Variants in WSCD2 observed in about 807,000 individuals in gnomAD.
WSCD2 encodes the protein sialate:O-sulfotransferase 2.
A neutral mutation model predicts 55.7 loss-of-function variants in WSCD2; 28 were observed. That is an observed-to-expected ratio of 0.50 (90% CI 0.37 to 0.69). WSCD2 has a LOEUF of 0.69. WSCD2 is among the 30% of genes least tolerant of loss of function. The pLI is 0.00. For missense variants in WSCD2, 616 were observed against 762.1 expected, an observed-to-expected ratio of 0.81 and a Z score of 2.26; for synonymous variants, 301 against 301.9, an observed-to-expected ratio of 1.00 and a Z score of 0.03.
chr12:108,209,835 G>T (rs1265812941), intron 3 of WSCD2, among the ~76,000 whole-genome samples: 2 of 151,964 alleles, frequency 1.3e-5, no homozygotes, highest in Non-Finnish European at 2.9e-5. Flanking sequence ...TCTTTCCAGG[G>T]TCTTCCTGTG....
In WSCD2 at chr12:108,249,222, T is replaced by C. The variant is rs1451269623; in HGVS notation, c.*879T>C. The C allele has an allele frequency of 6.6e-6, 1 of 152,648 alleles. No homozygotes were observed. The highest frequency in any genetic ancestry group is 2.4e-5 in the African/African-American group (1 of 41,440). 9.5% of individuals were successfully genotyped at this position (152,648 alleles called of 1,614,324 possible). ...TCTCCATGGTGGGCTCCAGTCAGTC[T>C]TACACTGCCCTTCTGACCCCTACAA... On this transcript the variant is annotated 3_prime_UTR_variant, in exon 9 of 9. Transcript: ENST00000547525.
chr12:108,172,476 T>C lies in WSCD2; in HGVS notation c.-551-22806T>C, dbSNP rs28407479. Among the ~76,000 whole-genome samples the C allele has an allele frequency of 2.1e-4, 32 of 152,266 alleles. No homozygotes were observed. The East Asian group carries it at 6.2e-3, about 29-fold the overall frequency. On this transcript the variant is annotated intron_variant, in intron 1 of 8. Coordinates refer to ENST00000547525, the MANE Select transcript of WSCD2 (RefSeq NM_014653.4). The stretch of plus-strand genomic sequence containing the variant: ...CTCAGAATTGGATCTTATTTGGAAA[T>C]AGAGTCTTTGCAGCTGTAACTAGTT...
intron 5 of WSCD2, among the ~76,000 whole-genome samples, chr12:108,225,686 T>A (rs371315778): frequency 1.5e-4 from 23 of 152,286 alleles, no homozygotes; most frequent in South Asian, 8.3e-4. Flanking sequence ...TGACTGTTTA[T>A]GTTTCCTCCC....
intron 2 of WSCD2, chr12:108,196,815 T>C (rs955828822): frequency 6.6e-6 from 1 of 152,446 alleles, no homozygotes; most frequent in Admixed American, 6.5e-5. Flanking sequence ...CCATTTATAA[T>C]CTAAAAAGGC....
chr12:108,208,759 G>T (rs1267699232), intron 3 of WSCD2, among the ~76,000 whole-genome samples: 4 of 152,202 alleles, frequency 2.6e-5, no homozygotes, highest in Non-Finnish European at 5.9e-5. Context: ...GGGAGCCACT[G>T]CAGGGTGTCT....
At chr12:108,184,381 T>C (rs1005706986) in intron 1 of WSCD2, among the ~76,000 whole-genome samples, 1 of 152,196 alleles carries the variant, frequency 6.6e-6, no homozygotes, top group Non-Finnish European at 1.5e-5. Context: ...GGGGTGGGGA[T>C]GGCAGTTATT....
chr12:108,219,194 C>T (rs1163584065), intron 4 of WSCD2, among the ~76,000 whole-genome samples: 1 of 152,106 alleles, frequency 6.6e-6, no homozygotes, highest in South Asian at 2.1e-4. Context: ...TAAGACTTGC[C>T]CTCCTAGAGG....
intron 1 of WSCD2, among the ~76,000 whole-genome samples, chr12:108,146,913 C>T (rs1415152001): frequency 2.0e-5 from 3 of 152,194 alleles, no homozygotes; most frequent in African/African-American, 7.2e-5. Context: ...ATTATTAACT[C>T]ATTAACAATG....
chr12:108,244,636 G>A lies in WSCD2; in HGVS notation c.1346-3355G>A, dbSNP rs73401848. 990 of 700,942 alleles carry A rather than the reference G, an allele frequency of 1.4e-3. 7 individuals are homozygous for A. In the African/African-American group the frequency reaches 0.016, roughly 11 times the overall value. The allele number at this position is 700,942 out of a possible 1,614,324, so 43.4% of individuals were successfully genotyped here. The stretch of plus-strand genomic sequence containing the variant: ...GATGGGTGCACTGAGGCTGAAGATC[G>A]AGTAATGTCTCCAAAGTCACATACC... On this transcript the variant is annotated intron_variant, in intron 8 of 8. Coordinates refer to ENST00000547525, the MANE Select transcript of WSCD2 (RefSeq NM_014653.4).
At position 108,224,867 on chromosome 12, in the gene WSCD2, A is replaced by C; in HGVS notation, c.804+7A>C. The C allele has an allele frequency of 6.2e-7, 1 of 1,612,296 alleles. No individual in the cohort carries two copies. The highest frequency in any genetic ancestry group is 8.5e-7 in the Non-Finnish European group (1 of 1,179,828). On this transcript the variant is annotated splice_region_variant and intron_variant, in intron 5 of 8. Coordinates refer to ENST00000547525, the MANE Select transcript of WSCD2 (RefSeq NM_014653.4). ...GGACTTCTGCACTGAGAAGGTGAGCACAAGGTGGGGCCCATGGAACTCAGG... is the reference window on the plus strand; with the variant it reads ...GGACTTCTGCACTGAGAAGGTGAGCCCAAGGTGGGGCCCATGGAACTCAGG...
chr12:108,178,434 C>T (rs1352940184), intron 1 of WSCD2, among the ~76,000 whole-genome samples: 1 of 152,194 alleles, frequency 6.6e-6, no homozygotes, highest in Non-Finnish European at 1.5e-5. Context: ...GCTTCTAGGC[C>T]TTTGCCTGAC....
At chr12:108,164,447 C>T (rs1879414146) in intron 1 of WSCD2, among the ~76,000 whole-genome samples, 1 of 151,684 alleles carries the variant, frequency 6.6e-6, no homozygotes, top group South Asian at 2.1e-4. Flanking sequence ...TTTATAAATC[C>T]GTGAGATTTA....
chr12:108,190,677 G>C (rs1883049931), intron 1 of WSCD2, among the ~76,000 whole-genome samples: 1 of 152,138 alleles, frequency 6.6e-6, no homozygotes, highest in South Asian at 2.1e-4. Context: ...AAAATAGTCT[G>C]TGTTTAGACA....
intron 1 of WSCD2, among the ~76,000 whole-genome samples, chr12:108,165,845 C>T (rs1053672376): frequency 6.6e-6 from 1 of 152,178 alleles, no homozygotes; most frequent in African/African-American, 2.4e-5. Context: ...TACAAACACT[C>T]CAAACAAAGA....
chr12:108,204,082 A>C (rs1226411308), intron 2 of WSCD2, among the ~76,000 whole-genome samples: 2 of 152,254 alleles, frequency 1.3e-5, no homozygotes, highest in Non-Finnish European at 2.9e-5. Flanking sequence ...CACTATGATC[A>C]GTTGCCTCAT....
intron 4 of WSCD2, among the ~76,000 whole-genome samples, chr12:108,212,672 A>G (rs1014289316): frequency 5.3e-5 from 8 of 150,928 alleles, no homozygotes; most frequent in Admixed American, 2.0e-4. Flanking sequence ...ATCACCTTGT[A>G]TTATATAATA....
intron 1 of WSCD2, among the ~76,000 whole-genome samples, chr12:108,135,748 C>G (rs570638836): frequency 2.0e-5 from 3 of 152,334 alleles, no homozygotes; most frequent in Admixed American, 1.3e-4. Context: ...AATATTGGAC[C>G]CAGCTTGGAA....
chr12:108,154,455 T>C (rs1878329523), intron 1 of WSCD2, among the ~76,000 whole-genome samples: 1 of 152,190 alleles, frequency 6.6e-6, no homozygotes, highest in African/African-American at 2.4e-5. Flanking sequence ...GCTGCCCTCA[T>C]AAGGATGCTT....
intron 4 of WSCD2, among the ~76,000 whole-genome samples, chr12:108,218,174 A>T (rs1887068095): frequency 6.6e-6 from 1 of 152,234 alleles, no homozygotes. Context: ...AGAGATGAGA[A>T]CATTAAGACT....
Sources: allele counts gnomAD v4.1 joint callset (sites outside exome capture counted in the v4.1 genomes callset), GRCh38; gene constraint gnomAD v4.1.1; transcripts MANE v1.5; gene names NCBI Gene and HGNC (gene_info 2026-07-23, HGNC 2026-07-21).